GGA1: variants seen among roughly 807,000 people sequenced by gnomAD.
GGA1 encodes the protein ADP-ribosylation factor-binding protein GGA1.
In GGA1, 18 loss-of-function variants were observed where a neutral mutation model predicts 76.9. That is an observed-to-expected ratio of 0.23 (90% CI 0.16 to 0.35). The LOEUF (loss-of-function observed/expected upper bound fraction) is 0.35. Ranked by LOEUF, GGA1 falls within the 10% of genes least tolerant of loss-of-function variation. The probability of loss-of-function intolerance (pLI) is 1.00; values close to 1 mark genes in which losing one functional copy is unlikely to be tolerated. For synonymous variants in GGA1, 342 were observed against 354.7 expected (o/e 0.96, Z 0.40); for missense variants, 755 against 859.0 (o/e 0.88, Z 1.51).
At chr22:37,620,949 G>T (rs376145439) in intron 6 of GGA1, 36 bp downstream of exon 6, 1 of 1,301,612 alleles carries the variant, frequency 7.7e-7, no homozygotes. Flanking sequence ...GGGACTCTGA[G>T]CCCAGGTGGG....
chr22:37,620,484 C>A, intron 5 of GGA1, 123 bp downstream of exon 5: 1 of 1,041,146 alleles, frequency 9.6e-7, no homozygotes, highest in Non-Finnish European at 1.4e-6. Context: ...CCTTTAACTT[C>A]TGGAGAAAGT....
chr22:37,629,203 T>C (rs1232920270), intron 11 of GGA1, among the ~76,000 whole-genome samples: 2 of 152,144 alleles, frequency 1.3e-5, no homozygotes, highest in Non-Finnish European at 2.9e-5. Context: ...CTGATGTCTA[T>C]TGTCTGTGTG....
chr22:37,619,716 C>A, intron 4 of GGA1: 1 of 728,766 alleles, frequency 1.4e-6, no homozygotes, highest in Non-Finnish European at 2.6e-6. Flanking sequence ...GACAGCCCAC[C>A]CCCTTGGCCC....
chr22:37,629,929 A>C (rs533673284), intron 12 of GGA1, 69 bp from the exon 13 acceptor site: 1 of 1,078,588 alleles, frequency 9.3e-7, no homozygotes, highest in East Asian at 2.7e-5. Context: ...ACTGAGCCTC[A>C]GGGCAGGATC....
In GGA1 at chr22:37,623,219, T is replaced by G; in HGVS notation, c.610-108T>G. On this transcript the variant is annotated intron_variant, in intron 7 of 16. Coordinates refer to ENST00000343632, the MANE Select transcript of GGA1 (RefSeq NM_013365.5). This position sits in a 1 kb window ranked among gnomAD's most constrained non-coding sequence, Gnocchi z 4.6. ...CCCCACCCAGAGTGTGATCCCACAGTCACCCAGCTGTCAACCCAGATCCCA... is the reference window on the plus strand; with the variant it reads ...CCCCACCCAGAGTGTGATCCCACAGGCACCCAGCTGTCAACCCAGATCCCA... 4.6e-6 allele frequency: 5 copies of G among 1,075,270 alleles called. No individual in the cohort carries two copies. The highest frequency in any genetic ancestry group is 7.1e-6 in the Non-Finnish European group (5 of 703,108). 66.6% of individuals were successfully genotyped at this position (1,075,270 alleles called of 1,614,324 possible). A position where few individuals can be genotyped will look rare whatever the true frequency, so the allele number is the denominator to read the frequency against.
At chr22:37,630,764 C>T (rs1240733359) in intron 13 of GGA1, 139 bp from the exon 14 acceptor site, 6 of 632,572 alleles carry the variant, frequency 9.5e-6, no homozygotes, top group Non-Finnish European at 1.7e-5. Flanking sequence ...GACCGGGTTT[C>T]GCCATGTTGC....
rs779891866 is a variant in GGA1, at chr22:37,624,042, C to G, written c.832+409C>G. ...GGAAGCTAAGAGTGCATCCCACAGCCCAGGCAGTTCCAGACCTGAGCCTGA... is the reference window on the plus strand; with the variant it reads ...GGAAGCTAAGAGTGCATCCCACAGCGCAGGCAGTTCCAGACCTGAGCCTGA... On this transcript the variant is annotated intron_variant, in intron 9 of 16. Transcript: ENST00000343632. The surrounding 1 kb of genome is among the most constrained non-coding windows in gnomAD (Gnocchi z 4.3). The G allele has an allele frequency of 1.5e-5, 3 of 203,420 alleles. No individual in the cohort carries two copies. Among genetic ancestry groups the G allele is most frequent in the Non-Finnish European group, 3.1e-5 (3 of 97,064 alleles). The allele number at this position is 203,420 out of a possible 1,614,324, so 12.6% of individuals were successfully genotyped here.
chr22:37,613,147 G>A (rs1928056095), intron 1 of GGA1: 1 of 985,380 alleles, frequency 1.0e-6, no homozygotes. Flanking sequence ...GGGGACACCG[G>A]AGCCACTCCC....
chr22:37,623,927 C>G lies in GGA1; in HGVS notation c.832+294C>G. 2.5e-6 allele frequency: 1 copy of G among 394,308 alleles called. No homozygotes were observed. The highest frequency in any genetic ancestry group is 2.4e-5 in the South Asian group (1 of 42,244). 24.4% of individuals were successfully genotyped at this position (394,308 alleles called of 1,614,324 possible). On this transcript the variant is annotated intron_variant, in intron 9 of 16. Transcript: ENST00000343632. The surrounding 1 kb of genome is among the most constrained non-coding windows in gnomAD (Gnocchi z 4.6). ...AACTGGGGCTAAGGGAGGAAAATGA[C>G]TTGCCCAGATCACAGAGCAGAACAG...
intron 5 of GGA1, 65 bp from the exon 6 acceptor site, chr22:37,620,748 C>T: frequency 1.0e-6 from 1 of 989,728 alleles, no homozygotes; most frequent in Admixed American, 1.7e-5. Flanking sequence ...GCCCCCATCC[C>T]CATGTCACCC....
intron 4 of GGA1, 27 bp from the exon 5 acceptor site, chr22:37,620,211 A>G: frequency 6.2e-7 from 1 of 1,613,138 alleles, no homozygotes; most frequent in African/African-American, 1.3e-5. Context: ...GGGCAGTATC[A>G]AAGGCCTCCC....
chr22:37,626,467 G>T (rs772537071), intron 11 of GGA1: 2 of 152,142 alleles, frequency 1.3e-5, no homozygotes, highest in African/African-American at 4.8e-5. Flanking sequence ...AGGCTTCCCC[G>T]GGGGGAAGCA....
At chr22:37,621,911 A>G (rs1168000987) in intron 7 of GGA1, among the ~76,000 whole-genome samples, 1 of 151,826 alleles carries the variant, frequency 6.6e-6, no homozygotes, top group African/African-American at 2.4e-5. Flanking sequence ...GAGGCTGGCT[A>G]CCTCTTCGTC....
intron 4 of GGA1, among the ~76,000 whole-genome samples, chr22:37,618,986 C>G (rs906842245): frequency 3.3e-5 from 5 of 152,214 alleles, no homozygotes; most frequent in African/African-American, 9.6e-5. Flanking sequence ...GGCCACAGAC[C>G]TGAGTGATGG....
chr22:37,614,350 G>A, intron 2 of GGA1, 76 bp downstream of exon 2: 1 of 1,000,842 alleles, frequency 1.0e-6, no homozygotes, highest in South Asian at 1.3e-5. Flanking sequence ...GGCCTGGGTG[G>A]GTGGAGACCC....
At chr22:37,628,069 C>A (rs1000696231) in intron 11 of GGA1, among the ~76,000 whole-genome samples, 11 of 152,178 alleles carry the variant, frequency 7.2e-5, no homozygotes, top group Admixed American at 6.5e-4. Flanking sequence ...CTCAAGTGAT[C>A]CACCCACCCC....
rs1930498223 is a variant in GGA1, at chr22:37,624,757, G to A, written c.833-212G>A. On this transcript the variant is annotated intron_variant, in intron 9 of 16. Coordinates refer to ENST00000343632, the MANE Select transcript of GGA1 (RefSeq NM_013365.5). This position sits in a 1 kb window ranked among gnomAD's most constrained non-coding sequence, Gnocchi z 4.3. ...GGCCCAGTGTGTTGAGACAGCCCAG[G>A]CAGTATGGCAGGGAGTGAATGAGGG... 3 of 586,782 alleles carry A rather than the reference G, an allele frequency of 5.1e-6. No individual in the cohort carries two copies. Among genetic ancestry groups the A allele is most frequent in the Non-Finnish European group, 8.8e-6 (3 of 341,718 alleles). The allele number at this position is 586,782 out of a possible 1,614,324, so 36.3% of individuals were successfully genotyped here.
intron 11 of GGA1, among the ~76,000 whole-genome samples, chr22:37,627,429 G>A (rs758688674): frequency 3.3e-5 from 5 of 152,156 alleles, no homozygotes; most frequent in Non-Finnish European, 5.9e-5. Flanking sequence ...CTGCTTACGA[G>A]CCCCATGCAG....
chr22:37,622,393 T>C (rs1176720564), intron 7 of GGA1, among the ~76,000 whole-genome samples: 4 of 151,778 alleles, frequency 2.6e-5, no homozygotes, highest in East Asian at 3.9e-4. Flanking sequence ...GTTTAATTTT[T>C]AAGTAAATAT....
Sources: gnomAD v4.1 joint callset for allele counts (sites outside exome capture counted in the v4.1 genomes callset) on GRCh38, gnomAD v4.1.1 for gene constraint, Gnocchi (gnomAD v3.1) non-coding constraint, MANE v1.5 for transcripts, NCBI Gene and HGNC (gene_info 2026-07-23, HGNC 2026-07-21) for gene names.